The following MAPKBP1 variants were observed in gnomAD, a reference collection of about 807,000 sequenced individuals.
The protein encoded by MAPKBP1 is mitogen-activated protein kinase binding protein 1.
In MAPKBP1, 71 loss-of-function variants were observed where a neutral mutation model predicts 170.5. That is an observed-to-expected ratio of 0.42 (90% confidence interval 0.34 to 0.51). The LOEUF (loss-of-function observed/expected upper bound fraction) is 0.51, where lower values mean the gene tolerates loss of function less well. MAPKBP1 is among the 20% of genes least tolerant of loss of function. MAPKBP1 has a pLI of 0.06. For missense variants in MAPKBP1, 1,598 were observed against 1,933.0 expected, an observed-to-expected ratio of 0.83 and a Z score of 3.25; for synonymous variants, 719 against 757.9, an observed-to-expected ratio of 0.95 and a Z score of 0.84.
chr15:41,823,778 C>T lies in MAPKBP1; in HGVS notation c.3930C>T (p.Val1310=), dbSNP rs2065043815. 2 of 1,614,158 alleles carry T rather than the reference C, an allele frequency of 1.2e-6. No individual in the cohort carries two copies. The highest frequency in any genetic ancestry group is 1.7e-6 in the Non-Finnish European group (2 of 1,180,024). Residue 1310 remains valine, a synonymous_variant, in exon 29 of 31, where the codon GTC becomes GTT. Coordinates refer to ENST00000457542, the MANE Select transcript of MAPKBP1 (RefSeq NM_014994.3). The part of the protein sequence containing the change: ...DRPTLAAFSP[V]TKGRAPGEAE... ...CTACCCTGGCTGCATTCTCTCCTGT[C>T]ACCAAAGGCCGGGCCCCTGGCGAGG...
At chr15:41,784,690 G>T (rs973452206) in intron 2 of MAPKBP1, among the ~76,000 whole-genome samples, 3 of 149,732 alleles carry the variant, frequency 2.0e-5, no homozygotes, top group Admixed American at 6.8e-5. Context: ...GCTGAGGGAG[G>T]AGAATTGCTT....
chr15:41,808,886 C>G (rs990048892), intron 3 of MAPKBP1, among the ~76,000 whole-genome samples: 2 of 151,266 alleles, frequency 1.3e-5, no homozygotes, highest in African/African-American at 4.9e-5. Flanking sequence ...GGCAACATGG[C>G]AAAACCCCAT....
At chr15:41,806,411 C>A (rs2064694957) in intron 3 of MAPKBP1, among the ~76,000 whole-genome samples, 1 of 152,196 alleles carries the variant, frequency 6.6e-6, no homozygotes, top group African/African-American at 2.4e-5. Flanking sequence ...CCTTGTGTGT[C>A]CTGCTCCCTG....
chr15:41,813,511 G>A, intron 8 of MAPKBP1, 110 bp from the exon 9 acceptor site: 1 of 1,489,580 alleles, frequency 6.7e-7, no homozygotes, highest in South Asian at 1.2e-5. Flanking sequence ...CTTTTCCCTT[G>A]CCCCTGCCTT....
intron 2 of MAPKBP1, among the ~76,000 whole-genome samples, chr15:41,797,234 C>T (rs902737671): frequency 6.6e-6 from 1 of 152,142 alleles, no homozygotes; most frequent in African/African-American, 2.4e-5. Flanking sequence ...TGTAATTCTT[C>T]GGCACCAACA....
chr15:41,791,052 G>T (rs1365678534), intron 2 of MAPKBP1, among the ~76,000 whole-genome samples: 1 of 152,172 alleles, frequency 6.6e-6, no homozygotes, highest in Non-Finnish European at 1.5e-5. Context: ...TTCTTAACCT[G>T]CAGGAAGGGA....
At chr15:41,782,771 A>G (rs1177461866) in intron 2 of MAPKBP1, among the ~76,000 whole-genome samples, 1 of 152,156 alleles carries the variant, frequency 6.6e-6, no homozygotes, top group Non-Finnish European at 1.5e-5. Flanking sequence ...CAGCTTAGAA[A>G]AAGGGACAGT....
intron 2 of MAPKBP1, among the ~76,000 whole-genome samples, chr15:41,779,542 A>G (rs1289041898): frequency 6.6e-6 from 1 of 151,806 alleles, no homozygotes; most frequent in Non-Finnish European, 1.5e-5. Context: ...ACAGAGTCTT[A>G]CGATGTTGCT....
chr15:41,822,522 T>A, intron 26 of MAPKBP1, 71 bp from the exon 27 acceptor site: 5 of 1,603,590 alleles, frequency 3.1e-6, no homozygotes, highest in Non-Finnish European at 4.3e-6. Context: ...TGGCTGGGGG[T>A]CTCAAGGAGG....
At chr15:41,784,651 G>A (rs900817004) in intron 2 of MAPKBP1, among the ~76,000 whole-genome samples, 5 of 151,400 alleles carry the variant, frequency 3.3e-5, no homozygotes, top group East Asian at 1.9e-4. Context: ...GCGTGGTGGC[G>A]CACACCTGTA....
intron 2 of MAPKBP1, among the ~76,000 whole-genome samples, chr15:41,781,108 C>G (rs1348315398): frequency 1.3e-5 from 2 of 149,792 alleles, no homozygotes; most frequent in African/African-American, 4.9e-5. Context: ...CAGAGTCTCA[C>G]TCTGTCACCT....
chr15:41,787,444 T>A (rs2064318332), intron 2 of MAPKBP1, among the ~76,000 whole-genome samples: 2 of 152,026 alleles, frequency 1.3e-5, no homozygotes, highest in Non-Finnish European at 2.9e-5. Context: ...CGCGGCTCAT[T>A]GCAGCCTCTG....
chr15:41,821,525 A>G, intron 23 of MAPKBP1, 59 bp from the exon 24 acceptor site: 1 of 1,557,602 alleles, frequency 6.4e-7, no homozygotes, highest in African/African-American at 1.4e-5. Context: ...CTTACCCCCC[A>G]GCTACCACTG....
intron 2 of MAPKBP1, among the ~76,000 whole-genome samples, chr15:41,776,490 A>G (rs1462033231): frequency 6.6e-6 from 1 of 152,236 alleles, no homozygotes; most frequent in Admixed American, 6.5e-5. Flanking sequence ...ACAGTTTGCT[A>G]CAAGGTTTTG....
intron 2 of MAPKBP1, among the ~76,000 whole-genome samples, chr15:41,789,455 G>A (rs148666536): frequency 2.0e-5 from 3 of 152,256 alleles, no homozygotes; most frequent in East Asian, 3.9e-4. Flanking sequence ...ACTTGGGCAC[G>A]TGCTGATGAC....
rs1024323968 is a variant in MAPKBP1 at position 41,825,523 on chromosome 15, C to G, written c.*87C>G. On this transcript the variant is annotated 3_prime_UTR_variant, in exon 31 of 31. Transcript: ENST00000457542. ...CCCCTCACCAAAACCTGCGGGGCTG[C>G]TTGGAGTGGAAAGCAGGGAGCAGTG... is the stretch of plus-strand genomic sequence containing the variant. 6.5e-6 allele frequency: 8 copies of G among 1,234,442 alleles called. No individual in the cohort carries two copies. Among genetic ancestry groups the G allele is most frequent in the Admixed American group, 2.4e-5 (1 of 41,144 alleles). The allele number at this position is 1,234,442 out of a possible 1,614,324, so 76.5% of individuals were successfully genotyped here.
intron 6 of MAPKBP1, 110 bp from the exon 7 acceptor site, chr15:41,812,406 A>G (rs2064820994): frequency 1.4e-6 from 2 of 1,474,078 alleles, no homozygotes; most frequent in Admixed American, 3.4e-5. Context: ...TAAATTCTGG[A>G]AAGAAACACT....
At chr15:41,821,130 C>A (rs2064989680) in intron 23 of MAPKBP1, 62 bp downstream of exon 23, 2 of 1,469,266 alleles carry the variant, frequency 1.4e-6, no homozygotes, top group Admixed American at 3.4e-5. Context: ...GCCTTTGCCA[C>A]CAGCTGGGAC....
chr15:41,809,294 G>A (rs1033999839), intron 3 of MAPKBP1, among the ~76,000 whole-genome samples: 5 of 152,088 alleles, frequency 3.3e-5, no homozygotes, highest in Non-Finnish European at 7.4e-5. Context: ...AACAGGAAGA[G>A]TTGAGGGGTT....
Sources: gnomAD v4.1 joint callset for allele counts (sites outside exome capture counted in the v4.1 genomes callset) on GRCh38, gnomAD v4.1.1 for gene constraint, MANE v1.5 for transcripts, NCBI Gene and HGNC (gene_info 2026-07-23, HGNC 2026-07-21) for gene names.